The following HADH variants were observed in gnomAD, a reference collection of about 807,000 sequenced individuals.
The protein encoded by HADH is hydroxyacyl-coenzyme A dehydrogenase, mitochondrial.
In HADH, 24 loss-of-function variants were observed where a neutral mutation model predicts 32.2. The ratio of observed to expected loss-of-function variants is 0.75; its 90% CI spans 0.54 to 1.05. HADH has a LOEUF of 1.05. Ranked by LOEUF, HADH falls within the 50% of genes least tolerant of loss-of-function variation. HADH has a pLI of 0.00. For missense variants in HADH, 350 were observed against 397.1 expected (o/e 0.88, Z 1.01); for synonymous variants, 139 against 152.5 (o/e 0.91, Z 0.65).
intron 4 of HADH, among the ~76,000 whole-genome samples, chr4:108,022,510 T>C (rs2126233932): frequency 6.6e-6 from 1 of 152,202 alleles, no homozygotes; most frequent in East Asian, 1.9e-4. Context: ...GAGTCTGTTC[T>C]GAAGCCAAGG....
intron 1 of HADH, among the ~76,000 whole-genome samples, chr4:107,994,027 C>A (rs1441526881): frequency 1.3e-5 from 2 of 152,084 alleles, no homozygotes; most frequent in Admixed American, 6.5e-5. Flanking sequence ...ATATGAGGAG[C>A]CCAGAGAGAA....
intron 7 of HADH, among the ~76,000 whole-genome samples, chr4:108,033,814 TGAA>T (rs1736359252): frequency 6.6e-6 from 1 of 152,246 alleles, no homozygotes; most frequent in Admixed American, 6.5e-5. Flanking sequence ...GAATGCTAGT[TGAA>T]GAATTAAATT....
At chr4:108,013,367 C>G (rs1323029395) in intron 2 of HADH, among the ~76,000 whole-genome samples, 1 of 152,138 alleles carries the variant, frequency 6.6e-6, no homozygotes, top group African/African-American at 2.4e-5. Flanking sequence ...CCCAGATAGC[C>G]TGCATTTTCT....
chr4:108,025,860 A>G (rs1287562756), intron 5 of HADH: 1 of 152,152 alleles, frequency 6.6e-6, no homozygotes, highest in African/African-American at 2.4e-5. Flanking sequence ...AGCCTGGGCA[A>G]CAGAGCAAGA....
chr4:108,020,535 T>TAA (rs1441603763), intron 4 of HADH, among the ~76,000 whole-genome samples: 1 of 152,086 alleles, frequency 6.6e-6, no homozygotes, highest in Non-Finnish European at 1.5e-5. Flanking sequence ...CTCCTGACCA[T>TAA]AAACCTGGAA....
At chr4:108,021,753 T>A (rs1344253977) in intron 4 of HADH, among the ~76,000 whole-genome samples, 1 of 152,200 alleles carries the variant, frequency 6.6e-6, no homozygotes, top group African/African-American at 2.4e-5. Context: ...TGATGGAGAC[T>A]TTTTAGACCT....
At chr4:108,032,071 A>T in intron 6 of HADH, 1 of 367,574 alleles carries the variant, frequency 2.7e-6, no homozygotes, top group Admixed American at 4.3e-5. Flanking sequence ...TTAAAAATAT[A>T]TCTTCTTTAT....
In HADH at chr4:108,023,532, A is replaced by G. The variant is rs751485282; in HGVS notation, c.605A>G (p.Lys202Arg). Residue 202 changes from lysine (K) to arginine (R), a missense_variant, in exon 5 of 8, where the codon AAA (lysine) becomes AGA (arginine). Physicochemically the swap from Lys to Arg is conservative, Grantham distance 26. Coordinates refer to ENST00000309522, the MANE Select transcript of HADH (RefSeq NM_005327.7). Reference sequence around the variant, plus strand: ...TTTGAATCTTTGGTAGACTTTAGCAAAGCCCTAGGAAAGCATCCTGTTTCT... The same window carrying G: ...TTTGAATCTTTGGTAGACTTTAGCAGAGCCCTAGGAAAGCATCCTGTTTCT... ...KTFESLVDFS[K>R]ALGKHPVSCK... The G allele has an allele frequency of 6.2e-7, 1 of 1,610,462 alleles. No individual in the cohort carries two copies. The highest frequency in any genetic ancestry group is 1.3e-5 in the African/African-American group (1 of 74,970).
In HADH at chr4:108,019,574, C is replaced by A; in HGVS notation, c.454C>A (p.Gln152Lys). ...CTTTGCCAGCAACACTTCCTCCTTG[C>A]AGATTACAAGCATAGCTAATGCCAC... ...TIFASNTSSLQITSIANATTR... is the reference protein window; with the variant it reads ...TIFASNTSSLKITSIANATTR... The change falls in exon 4 of 8, where the codon CAG becomes AAG. Residue 152 changes from glutamine to lysine, a missense_variant. Gln to Lys is a moderately conservative substitution (Grantham distance 53). Transcript: ENST00000309522. 1 of 1,613,642 alleles carries A rather than the reference C, an allele frequency of 6.2e-7. No individual in the cohort carries two copies. Among genetic ancestry groups the A allele is most frequent in the Non-Finnish European group, 8.5e-7 (1 of 1,179,508 alleles).
chr4:108,004,654 T>C lies in HADH; in HGVS notation c.133-5105T>C, dbSNP rs1021925837. On this transcript the variant is annotated intron_variant, in intron 1 of 7. Coordinates refer to ENST00000309522, the MANE Select transcript of HADH (RefSeq NM_005327.7). Reference sequence around the variant, plus strand: ...GAAGCCATAACCATGAACTTCCATATCTGTCATAGGAAAGAGGTTGGCCTC... The same window carrying C: ...GAAGCCATAACCATGAACTTCCATACCTGTCATAGGAAAGAGGTTGGCCTC... The C allele has an allele frequency of 2.6e-6, 4 of 1,516,512 alleles. No individual in the cohort carries two copies. The African/African-American group carries it at 4.1e-5, about 16-fold the overall frequency. The allele number at this position is 1,516,512 out of a possible 1,614,324, so 93.9% of individuals were successfully genotyped here. A position where few individuals can be genotyped will look rare whatever the true frequency, so the allele number is the denominator to read the frequency against.
chr4:107,999,561 A>C (rs1400536574), intron 1 of HADH, among the ~76,000 whole-genome samples: 1 of 152,250 alleles, frequency 6.6e-6, no homozygotes, highest in East Asian at 1.9e-4. Context: ...AAAGTTTATC[A>C]TAAAGGTTTC....
intron 1 of HADH, among the ~76,000 whole-genome samples, chr4:108,008,205 T>A (rs936260789): frequency 6.6e-6 from 1 of 152,196 alleles, no homozygotes; most frequent in African/African-American, 2.4e-5. Flanking sequence ...TGTGGAATGT[T>A]TCTGCTGATG....
intron 1 of HADH, among the ~76,000 whole-genome samples, chr4:108,008,524 T>A (rs1289914345): frequency 6.6e-6 from 1 of 152,230 alleles, no homozygotes; most frequent in Non-Finnish European, 1.5e-5. Flanking sequence ...TTTGCTCTTT[T>A]GTTTCTGTTT....
intron 2 of HADH, 90 bp downstream of exon 2, chr4:108,009,977 C>CTTTTTTTTTTTTTTTT (rs11388783): frequency 1.6e-5 from 9 of 552,144 alleles, no homozygotes; most frequent in East Asian, 3.5e-5. Context: ...TTCTTTCTTT[C>CTTTTTTTTTTTTTTTT]TTTTTTTTTT....
rs575193763 is a variant in HADH, at chr4:108,014,675, T to G, written c.419+87T>G. 231 of 1,202,934 alleles carry G rather than the reference T, an allele frequency of 1.9e-4. 3 individuals carry two copies. Among genetic ancestry groups the G allele is most frequent in the South Asian group, 1.9e-3 (144 of 77,734 alleles). 74.5% of individuals were successfully genotyped at this position (1,202,934 alleles called of 1,614,324 possible). A position where few individuals can be genotyped will look rare whatever the true frequency, so the allele number is the denominator to read the frequency against. ...TTTATTTTTTGTTTTTATAGATTTG[T>G]GAGTACAAGTGCAGTTTTGTTCCAT... On this transcript the variant is annotated intron_variant, in intron 3 of 7. Coordinates refer to ENST00000309522, the MANE Select transcript of HADH (RefSeq NM_005327.7).
chr4:108,022,189 A>ATGTGTGTG (rs1735909384), intron 4 of HADH, among the ~76,000 whole-genome samples: 1 of 141,548 alleles, frequency 7.1e-6, no homozygotes, highest in Non-Finnish European at 1.5e-5. Flanking sequence ...GTGTGTGTGT[A>ATGTGTGTG]TGTGTGTGTG....
At chr4:108,004,680 A>T in intron 1 of HADH, 1 of 1,523,460 alleles carries the variant, frequency 6.6e-7, no homozygotes, top group South Asian at 1.2e-5. Flanking sequence ...GGTTGGCCTC[A>T]GCAGCAATGA....
At chr4:108,022,189 A>ATGTG (rs1735909384) in intron 4 of HADH, among the ~76,000 whole-genome samples, 1 of 141,548 alleles carries the variant, frequency 7.1e-6, no homozygotes, top group South Asian at 2.1e-4. Flanking sequence ...GTGTGTGTGT[A>ATGTG]TGTGTGTGTG....
At chr4:107,999,638 T>C (rs562558529) in intron 1 of HADH, among the ~76,000 whole-genome samples, 274 of 152,364 alleles carry the variant, frequency 1.8e-3, no homozygotes, top group Non-Finnish European at 3.0e-3. Context: ...TTGAGACTTA[T>C]GAAAAAATAG....
Sources: gnomAD v4.1 joint callset for allele counts (sites outside exome capture counted in the v4.1 genomes callset) on GRCh38, gnomAD v4.1.1 for gene constraint, MANE v1.5 for transcripts, NCBI Gene and HGNC (gene_info 2026-07-23, HGNC 2026-07-21) for gene names.